ANPEP: variants seen among roughly 807,000 people sequenced by gnomAD.
The protein encoded by ANPEP is alanyl aminopeptidase, membrane.
In ANPEP, 70 loss-of-function variants were observed where a neutral mutation model predicts 114.6. The ratio of observed to expected loss-of-function variants is 0.61; its 90% CI spans 0.50 to 0.75. The LOEUF (loss-of-function observed/expected upper bound fraction) is 0.75. ANPEP is among the 30% of genes least tolerant of loss of function. The probability of loss-of-function intolerance (pLI) is 0.00; values close to 1 mark genes in which losing one functional copy is unlikely to be tolerated. For missense variants in ANPEP, 1,184 were observed against 1,259.5 expected (o/e 0.94, Z 0.91); for synonymous variants, 548 against 522.3 (o/e 1.05, Z -0.67).
rs41276910 is a variant in ANPEP at position 89,785,128 on chromosome 15, C to T, written c.*221G>A. 7.4e-5 allele frequency: 41 copies of T among 557,134 alleles called. No individual in the cohort carries two copies. The highest frequency in any genetic ancestry group is 1.9e-4 in the African/African-American group (10 of 52,692). 34.5% of individuals were successfully genotyped at this position (557,134 alleles called of 1,614,324 possible). A position where few individuals can be genotyped will look rare whatever the true frequency, so the allele number is the denominator to read the frequency against. ...GACAGGTGCCATGCCAGGCCTAGGGCGGGGTTGGCATGAGGGGCAGGGGCT... is the reference window on the plus strand; with the variant it reads ...GACAGGTGCCATGCCAGGCCTAGGGTGGGGTTGGCATGAGGGGCAGGGGCT... On this transcript the variant is annotated 3_prime_UTR_variant, in exon 21 of 21. Transcript: ENST00000300060.
Position 89,792,177 on chromosome 15 carries a change from C to G in ANPEP, c.2511G>C (p.Glu837Asp). Residue 837 changes from glutamate (E) to aspartate (D), a missense_variant, in exon 18 of 21, where the codon GAG becomes GAC. Glu to Asp is a conservative substitution (Grantham distance 45). Transcript: ENST00000300060. ...AGACTCACCTGTTCAGGATCCACAA[C>G]TCTTTGCTGCAGGCCAGGGCTGCCC... is the stretch of plus-strand genomic sequence containing the variant. Reference protein sequence around the residue: ...KLRAALACSKELWILNRYLSY... With the variant: ...KLRAALACSKDLWILNRYLSY... The G allele has an allele frequency of 6.2e-7, 1 of 1,614,114 alleles. No individual in the cohort carries two copies. Among genetic ancestry groups the G allele is most frequent in the Non-Finnish European group, 8.5e-7 (1 of 1,179,984 alleles).
intron 19 of ANPEP, 45 bp downstream of exon 19, chr15:89,790,908 C>G (rs754954275): frequency 6.2e-7 from 1 of 1,602,352 alleles, no homozygotes; most frequent in Non-Finnish European, 8.5e-7. Flanking sequence ...CCCGGGGCCC[C>G]AGCCTCGGCG....
At chr15:89,796,645 G>A (rs541642356) in intron 15 of ANPEP, among the ~76,000 whole-genome samples, 22 of 151,288 alleles carry the variant, frequency 1.5e-4, no homozygotes, top group African/African-American at 4.4e-4. Flanking sequence ...CCGCCACCAC[G>A]CCTGGCTAAT....
intron 1 of ANPEP, among the ~76,000 whole-genome samples, chr15:89,813,789 A>G (rs1894856492): frequency 6.6e-6 from 1 of 152,166 alleles, no homozygotes; most frequent in African/African-American, 2.4e-5. Flanking sequence ...GAATTAACTG[A>G]GGCCCAGTAA....
chr15:89,806,751 TC>T lies in ANPEP; in HGVS notation c.-169del. 1.8e-6 allele frequency: 2 copies of T among 1,103,100 alleles called. No homozygotes were observed. The highest frequency in any genetic ancestry group is 2.5e-6 in the Non-Finnish European group (2 of 801,550). 68.3% of individuals were successfully genotyped at this position (1,103,100 alleles called of 1,614,324 possible). ...GTCACTGGACTGGGCAGGGGCACGC[TC>T]CGCCTGGGGAGAGGAGATCCAGGAA... On this transcript the variant is annotated 5_prime_UTR_variant, in exon 2 of 21. Coordinates refer to ENST00000300060, the MANE Select transcript of ANPEP (RefSeq NM_001150.3). The surrounding 1 kb of genome is among the most constrained non-coding windows in gnomAD (Gnocchi z 5.7).
chr15:89,804,406 G>C lies in ANPEP; in HGVS notation c.1026C>G (p.Asp342Glu). Residue 342 changes from aspartate to glutamate, a missense_variant and splice_region_variant, in exon 6 of 21, where the codon GAC (aspartate) becomes GAG (glutamate). Coordinates refer to ENST00000300060, the MANE Select transcript of ANPEP (RefSeq NM_001150.3). ...CGTTGAAGTCTGGCAGGCCAATCTG[G>C]TCTGGGGAGGCGATGCCATTGGCAG... Reference protein sequence around the residue: ...YDTPYPLPKSDQIGLPDFNAG... With the variant: ...YDTPYPLPKSEQIGLPDFNAG... The C allele has an allele frequency of 6.2e-7, 1 of 1,614,236 alleles. No individual in the cohort carries two copies. Among genetic ancestry groups the C allele is most frequent in the Non-Finnish European group, 8.5e-7 (1 of 1,180,026 alleles).
At position 89,803,100 on chromosome 15, in the gene ANPEP, C is replaced by A. The variant is rs549544138; in HGVS notation, c.1569+139G>T. 6.3e-6 allele frequency: 6 copies of A among 953,586 alleles called. No homozygotes were observed. The highest frequency in any genetic ancestry group is 1.6e-5 in the African/African-American group (1 of 62,294). 59.1% of individuals were successfully genotyped at this position (953,586 alleles called of 1,614,324 possible). A position where few individuals can be genotyped will look rare whatever the true frequency, so the allele number is the denominator to read the frequency against. On this transcript the variant is annotated intron_variant, in intron 10 of 20. Transcript: ENST00000300060. The surrounding 1 kb of genome is among the most constrained non-coding windows in gnomAD (Gnocchi z 4.2). ...TCCCGGCTTCCACTATAGGGAGGAG[C>A]AACAGAGGCTCCATCCACCCTGCAG... is the stretch of plus-strand genomic sequence containing the variant.
intron 15 of ANPEP, among the ~76,000 whole-genome samples, chr15:89,794,220 A>G (rs1968686136): frequency 6.6e-6 from 1 of 152,208 alleles, no homozygotes; most frequent in African/African-American, 2.4e-5. Context: ...ATGGGGGCAC[A>G]TGCCTGTAAT....
At chr15:89,792,065 G>A (rs972104785) in intron 18 of ANPEP, 95 bp downstream of exon 18, 40 of 1,422,070 alleles carry the variant, frequency 2.8e-5, no homozygotes, top group Non-Finnish European at 3.7e-5. Context: ...GGTCTGTGGG[G>A]GTCACGTGAA....
At chr15:89,785,869 TA>T (rs953600435) in intron 20 of ANPEP, among the ~76,000 whole-genome samples, 24 of 150,002 alleles carry the variant, frequency 1.6e-4, no homozygotes, top group South Asian at 4.2e-4. Context: ...TAAATGGGTT[TA>T]AAAAAAAAAT....
At position 89,806,614 on chromosome 15, in the gene ANPEP, T is replaced by G. The variant is rs898606192; in HGVS notation, c.-31A>C. On this transcript the variant is annotated 5_prime_UTR_variant, in exon 2 of 21. Coordinates refer to ENST00000300060, the MANE Select transcript of ANPEP (RefSeq NM_001150.3). This position sits in a 1 kb window ranked among gnomAD's most constrained non-coding sequence, Gnocchi z 5.7. ...TGGTGGGGAGGCGGCTCAGGGAGCC[T>G]CAGGCCAGGCAGAGAACGGAGCAGC... 6.5e-7 allele frequency: 1 copy of G among 1,545,028 alleles called. No individual in the cohort carries two copies. The highest frequency in any genetic ancestry group is 8.7e-7 in the Non-Finnish European group (1 of 1,143,464).
rs965033899 is a variant in ANPEP at position 89,803,260 on chromosome 15, G to A, written c.1548C>T (p.Asn516=). ...TGACCTCCTGCAGGTGGTCCCACAG[G>A]TTCAGGTAGATGGTGTTCTGGTAGG... ...TFAYQNTIYL[N]LWDHLQEAVN... The change falls in exon 10 of 21, where the codon AAC becomes AAT. Residue 516 remains asparagine, a synonymous_variant. Coordinates refer to ENST00000300060, the MANE Select transcript of ANPEP (RefSeq NM_001150.3). The surrounding 1 kb of genome is among the most constrained non-coding windows in gnomAD (Gnocchi z 4.2). 1.2e-6 allele frequency: 2 copies of A among 1,614,134 alleles called. No individual in the cohort carries two copies. Among genetic ancestry groups the A allele is most frequent in the Non-Finnish European group, 1.7e-6 (2 of 1,179,976 alleles).
intron 15 of ANPEP, 135 bp from the exon 16 acceptor site, chr15:89,793,261 G>A: frequency 1.5e-6 from 1 of 668,620 alleles, no homozygotes; most frequent in Non-Finnish European, 2.6e-6. Flanking sequence ...GCCAAACAGT[G>A]CTCAAAGGGG....
rs1596164612 is a variant in ANPEP at position 89,797,451 on chromosome 15, T to C, written c.2157+124A>G. The C allele has an allele frequency of 6.5e-6, 9 of 1,379,000 alleles. No homozygotes were observed. The East Asian group carries it at 2.2e-4, about 34-fold the overall frequency. 85.4% of individuals were successfully genotyped at this position (1,379,000 alleles called of 1,614,324 possible). On this transcript the variant is annotated intron_variant, in intron 15 of 20. Transcript: ENST00000300060. ...GCAATCTTTCTTTTTTTTTGGTTTT[T>C]TGTTTTGCTTTTGAAGGTTCCCTGA... is the stretch of plus-strand genomic sequence containing the variant.
At chr15:89,813,885 G>A (rs988408556) in intron 1 of ANPEP, among the ~76,000 whole-genome samples, 1 of 152,110 alleles carries the variant, frequency 6.6e-6, no homozygotes, top group East Asian at 1.9e-4. Flanking sequence ...CCCCGAACAC[G>A]GCCTGGTGGG....
At chr15:89,813,767 C>T (rs1262934037) in intron 1 of ANPEP, among the ~76,000 whole-genome samples, 2 of 152,216 alleles carry the variant, frequency 1.3e-5, no homozygotes, top group African/African-American at 2.4e-5. Context: ...CCAAGCCTCC[C>T]CTTTCACAGG....
At chr15:89,807,482 C>T (rs544880007) in intron 1 of ANPEP, among the ~76,000 whole-genome samples, 11 of 152,176 alleles carry the variant, frequency 7.2e-5, no homozygotes, top group African/African-American at 2.2e-4. Flanking sequence ...GGGTGGATCA[C>T]GAGGTTAGGA....
chr15:89,808,489 T>C (rs1894764069), intron 1 of ANPEP, among the ~76,000 whole-genome samples: 1 of 152,208 alleles, frequency 6.6e-6, no homozygotes, highest in Non-Finnish European at 1.5e-5. Flanking sequence ...TCCTCATTAC[T>C]GAGATGTTGA....
intron 1 of ANPEP, among the ~76,000 whole-genome samples, chr15:89,808,738 C>T (rs542950100): frequency 6.6e-6 from 1 of 152,324 alleles, no homozygotes; most frequent in South Asian, 2.1e-4. Flanking sequence ...AGCTCTGCTC[C>T]CTGAGGGCCT....
Sources: allele counts gnomAD v4.1 joint callset (sites outside exome capture counted in the v4.1 genomes callset), GRCh38; gene constraint gnomAD v4.1.1; non-coding constraint Gnocchi (gnomAD v3.1); transcripts MANE v1.5; gene names NCBI Gene and HGNC (gene_info 2026-07-23, HGNC 2026-07-21).